The following SPOCK1 variants were observed in gnomAD, a reference collection of about 807,000 sequenced individuals.
SPOCK1 encodes the protein testican-1.
A neutral mutation model predicts 55.3 loss-of-function variants in SPOCK1; 23 were observed. The ratio of observed to expected loss-of-function variants is 0.42; its 90% CI spans 0.30 to 0.59. The LOEUF (loss-of-function observed/expected upper bound fraction) is 0.59. Among genes scored for constraint, SPOCK1 ranks in the 20% least tolerant of loss-of-function variants. SPOCK1 has a pLI of 0.22. For synonymous variants in SPOCK1, 226 were observed against 221.0 expected, an observed-to-expected ratio of 1.02 and a Z score of -0.20; for missense variants, 499 against 552.5, an observed-to-expected ratio of 0.90 and a Z score of 0.97.
chr5:137,435,526 A>G (rs959307435), intron 2 of SPOCK1, among the ~76,000 whole-genome samples: 5 of 152,036 alleles, frequency 3.3e-5, no homozygotes, highest in Non-Finnish European at 7.4e-5. Flanking sequence ...TGTTGTTTCC[A>G]CTTCATATTA....
At chr5:137,402,574 A>G (rs12522089) in intron 2 of SPOCK1, among the ~76,000 whole-genome samples, 2 of 152,208 alleles carry the variant, frequency 1.3e-5, no homozygotes, top group Non-Finnish European at 1.5e-5. Flanking sequence ...TTAATTACAC[A>G]TGACGGTGTG....
At chr5:137,220,063 A>G (rs962585935) in intron 3 of SPOCK1, among the ~76,000 whole-genome samples, 2 of 152,142 alleles carry the variant, frequency 1.3e-5, no homozygotes, top group African/African-American at 4.8e-5. Flanking sequence ...CATGCCCTCC[A>G]TCTAGTGGGG....
At chr5:136,999,163 G>A (rs1751102386) in intron 6 of SPOCK1, among the ~76,000 whole-genome samples, 1 of 152,158 alleles carries the variant, frequency 6.6e-6, no homozygotes, top group Non-Finnish European at 1.5e-5. Context: ...CTGATGGGAG[G>A]GAGAAGGAGG....
intron 2 of SPOCK1, among the ~76,000 whole-genome samples, chr5:137,473,969 T>A (rs1181405083): frequency 6.6e-6 from 1 of 152,198 alleles, no homozygotes; most frequent in African/African-American, 2.4e-5. Flanking sequence ...AGACTATTAT[T>A]CTAAGTGAAG....
chr5:137,126,104 T>A (rs1245834898), intron 4 of SPOCK1, among the ~76,000 whole-genome samples: 4 of 152,246 alleles, frequency 2.6e-5, no homozygotes, highest in Non-Finnish European at 5.9e-5. Flanking sequence ...CCCTCATGAA[T>A]GGCTGGCTGG....
At chr5:137,323,801 T>C (rs1257219250) in intron 2 of SPOCK1, among the ~76,000 whole-genome samples, 1 of 152,142 alleles carries the variant, frequency 6.6e-6, no homozygotes, top group Non-Finnish European at 1.5e-5. Flanking sequence ...CCTGCTGGAA[T>C]GACTATCACC....
chr5:137,384,567 T>C (rs912789647), intron 2 of SPOCK1, among the ~76,000 whole-genome samples: 1 of 142,216 alleles, frequency 7.0e-6, no homozygotes, highest in East Asian at 2.0e-4. Flanking sequence ...TACATACATA[T>C]ATATATATAT....
At chr5:137,161,923 C>G (rs926299116) in intron 3 of SPOCK1, among the ~76,000 whole-genome samples, 6 of 152,146 alleles carry the variant, frequency 3.9e-5, no homozygotes, top group African/African-American at 1.4e-4. Flanking sequence ...AGTTGTCACT[C>G]CCTATTCTCA....
intron 2 of SPOCK1, among the ~76,000 whole-genome samples, chr5:137,331,892 TC>T (rs1758190909): frequency 6.6e-6 from 1 of 151,894 alleles, no homozygotes; most frequent in Non-Finnish European, 1.5e-5. Context: ...AACAGAACAC[TC>T]CCCAGACCCA....
At chr5:136,983,619 CAAAA>C (rs11364379) in intron 9 of SPOCK1, among the ~76,000 whole-genome samples, 9 of 135,358 alleles carry the variant, frequency 6.6e-5, no homozygotes, top group Non-Finnish European at 1.1e-4. Context: ...CTCCTTGGAC[CAAAA>C]AAAAAAAAAA....
At chr5:137,453,209 T>C (rs1753293770) in intron 2 of SPOCK1, among the ~76,000 whole-genome samples, 1 of 152,194 alleles carries the variant, frequency 6.6e-6, no homozygotes, top group South Asian at 2.1e-4. Flanking sequence ...CAGAAAGTGA[T>C]TATGAAATTC....
chr5:137,228,438 C>G (rs183030838), intron 3 of SPOCK1, among the ~76,000 whole-genome samples: 1 of 152,248 alleles, frequency 6.6e-6, no homozygotes, highest in Non-Finnish European at 1.5e-5. Context: ...GCCAGGAATT[C>G]GAGACCAGCC....
At chr5:137,383,453 A>T (rs1337139829) in intron 2 of SPOCK1, among the ~76,000 whole-genome samples, 1 of 152,168 alleles carries the variant, frequency 6.6e-6, no homozygotes, top group Non-Finnish European at 1.5e-5. Context: ...CGGGATGGAA[A>T]CAGATTTGTG....
intron 2 of SPOCK1, among the ~76,000 whole-genome samples, chr5:137,448,045 C>T (rs1753166806): frequency 1.3e-5 from 2 of 152,078 alleles, no homozygotes; most frequent in South Asian, 4.1e-4. Flanking sequence ...GTCAGCAGTT[C>T]GAGACCAGAC....
At chr5:137,044,196 T>A (rs1752059109) in intron 6 of SPOCK1, among the ~76,000 whole-genome samples, 1 of 152,180 alleles carries the variant, frequency 6.6e-6, no homozygotes, top group Non-Finnish European at 1.5e-5. Flanking sequence ...TGAGGAGAGT[T>A]GTCTCTAAGT....
chr5:137,039,543 C>T (rs1751954449), intron 6 of SPOCK1, among the ~76,000 whole-genome samples: 1 of 152,148 alleles, frequency 6.6e-6, no homozygotes, highest in Non-Finnish European at 1.5e-5. Flanking sequence ...TACAAGCTAC[C>T]TCACCTGCTA....
chr5:137,204,243 T>A (rs192304281), intron 3 of SPOCK1, among the ~76,000 whole-genome samples: 1 of 152,328 alleles, frequency 6.6e-6, no homozygotes, highest in African/African-American at 2.4e-5. Context: ...TTTATTTTGT[T>A]CAGAATATTT....
At chr5:137,262,199 T>C (rs891135964) in intron 3 of SPOCK1, among the ~76,000 whole-genome samples, 1 of 152,234 alleles carries the variant, frequency 6.6e-6, no homozygotes, top group Non-Finnish European at 1.5e-5. Flanking sequence ...TGTGGTTCAA[T>C]AAATTCTATC....
intron 3 of SPOCK1, among the ~76,000 whole-genome samples, chr5:137,176,175 G>A (rs1754848203): frequency 6.6e-6 from 1 of 152,264 alleles, no homozygotes; most frequent in Middle Eastern, 3.4e-3. Flanking sequence ...GAAAAGCACT[G>A]AGCAAATCCC....
Sources: allele counts gnomAD v4.1 joint callset (sites outside exome capture counted in the v4.1 genomes callset), GRCh38; gene constraint gnomAD v4.1.1; transcripts MANE v1.5; gene names NCBI Gene and HGNC (gene_info 2026-07-23, HGNC 2026-07-21).